Variants in C8orf34 observed in about 807,000 individuals in gnomAD.
C8orf34 encodes the protein chromosome 8 open reading frame 34.
C8orf34 carries 65 observed loss-of-function variants against 68.3 expected under a neutral mutation model. The observed-to-expected ratio is 0.95, with a 90% CI of 0.78 to 1.17. The LOEUF (loss-of-function observed/expected upper bound fraction) is 1.17, where lower values mean the gene tolerates loss of function less well. Ranked by LOEUF, C8orf34 falls within the 50% of genes most tolerant of loss-of-function variation. C8orf34 has a pLI of 0.00. For missense variants in C8orf34, 664 were observed against 655.4 expected (o/e 1.01, Z -0.14); for synonymous variants, 244 against 241.2 (o/e 1.01, Z -0.11).
At chr8:68,406,272 G>T (rs1055771973) in intron 1 of C8orf34, among the ~76,000 whole-genome samples, 1 of 152,200 alleles carries the variant, frequency 6.6e-6, no homozygotes, top group Admixed American at 6.5e-5. Flanking sequence ...GGAAGGGTTT[G>T]GAATTATCAA....
chr8:68,615,535 C>CT (rs1190959550), intron 7 of C8orf34, among the ~76,000 whole-genome samples: 2 of 152,170 alleles, frequency 1.3e-5, no homozygotes, highest in Non-Finnish European at 2.9e-5. Context: ...TTTTCTGCAT[C>CT]TATTGAGATA....
At chr8:68,514,134 T>C (rs1304154216) in intron 5 of C8orf34, among the ~76,000 whole-genome samples, 1 of 152,008 alleles carries the variant, frequency 6.6e-6, no homozygotes, top group East Asian at 1.9e-4. Flanking sequence ...ATGGTTTTAT[T>C]GGGTGAAAAA....
rs534226680 is a variant in C8orf34 at position 68,400,709 on chromosome 8, C to T, written c.328-38790C>T. Among the ~76,000 whole-genome samples, 7 of 152,218 alleles carry T rather than the reference C, an allele frequency of 4.6e-5. No individual in the cohort carries two copies. In the South Asian group the frequency reaches 1.5e-3, roughly 32 times the overall value. On this transcript the variant is annotated intron_variant, in intron 1 of 13. Transcript: ENST00000518698. Reference sequence around the variant, plus strand: ...CTGAGTAGCTAGGACTACAAGTGTGCACCACCATGCCCAGCTTATGTGTCT... The same window carrying T: ...CTGAGTAGCTAGGACTACAAGTGTGTACCACCATGCCCAGCTTATGTGTCT...
chr8:68,584,966 T>C (rs1255528748), intron 7 of C8orf34, among the ~76,000 whole-genome samples: 1 of 152,166 alleles, frequency 6.6e-6, no homozygotes, highest in Non-Finnish European at 1.5e-5. Flanking sequence ...GATATGACTA[T>C]GTGAAGTACT....
At chr8:68,505,656 G>A (rs1351577533) in intron 5 of C8orf34, among the ~76,000 whole-genome samples, 4 of 134,054 alleles carry the variant, frequency 3.0e-5, no homozygotes, top group East Asian at 2.1e-4. Flanking sequence ...GCGTGAACCC[G>A]GGAAGCGGAG....
intron 8 of C8orf34, among the ~76,000 whole-genome samples, chr8:68,692,060 C>T (rs1203973567): frequency 6.6e-6 from 1 of 151,910 alleles, no homozygotes; most frequent in Non-Finnish European, 1.5e-5. Flanking sequence ...AGGCAAGAAA[C>T]ACTCATGTTT....
chr8:68,552,248 T>G (rs1305818017), intron 7 of C8orf34, among the ~76,000 whole-genome samples: 1 of 152,172 alleles, frequency 6.6e-6, no homozygotes, highest in East Asian at 1.9e-4. Flanking sequence ...AAACATCACC[T>G]CGAATTTTAA....
At chr8:68,606,453 G>C (rs554618265) in intron 7 of C8orf34, among the ~76,000 whole-genome samples, 2 of 152,232 alleles carry the variant, frequency 1.3e-5, no homozygotes, top group East Asian at 1.9e-4. Context: ...ATAACTTACA[G>C]AGAGAGGTAA....
intron 8 of C8orf34, among the ~76,000 whole-genome samples, chr8:68,662,350 C>T (rs559134321): frequency 2.6e-5 from 4 of 152,228 alleles, no homozygotes; most frequent in South Asian, 4.1e-4. Flanking sequence ...AAAGGGGGTA[C>T]AAGACATTGA....
chr8:68,509,693 C>A (rs990167799), intron 5 of C8orf34, among the ~76,000 whole-genome samples: 2 of 152,142 alleles, frequency 1.3e-5, no homozygotes, highest in African/African-American at 4.8e-5. Context: ...AATGGCTAAC[C>A]CATCTAGAAA....
At chr8:68,733,101 T>A (rs1362572433) in intron 10 of C8orf34, among the ~76,000 whole-genome samples, 3 of 152,068 alleles carry the variant, frequency 2.0e-5, no homozygotes, top group Admixed American at 6.6e-5. Context: ...TGTCATTTGT[T>A]TTTGATAATT....
chr8:68,522,951 G>A (rs1220242426), intron 6 of C8orf34, among the ~76,000 whole-genome samples: 1 of 152,116 alleles, frequency 6.6e-6, no homozygotes, highest in East Asian at 1.9e-4. Context: ...TTCTCAAGGA[G>A]AAAATTGTAT....
At position 68,541,787 on chromosome 8, in the gene C8orf34, C is replaced by T. The variant is rs374521086; in HGVS notation, c.1105+8638C>T. Among the ~76,000 whole-genome samples the T allele has an allele frequency of 3.8e-3, 583 of 152,104 alleles. 2 individuals are homozygous for T. Among genetic ancestry groups the T allele is most frequent in the Non-Finnish European group, 5.8e-3 (394 of 67,964 alleles). On this transcript the variant is annotated intron_variant, in intron 7 of 13. Transcript: ENST00000518698. ...ATCATGGCATAGAACTTGAATTTTC[C>T]CTAATGTGTTAGAATGAATCTTGGC...
chr8:68,400,757 G>C (rs1235618877), intron 1 of C8orf34, among the ~76,000 whole-genome samples: 1 of 152,078 alleles, frequency 6.6e-6, no homozygotes, highest in Non-Finnish European at 1.5e-5. Context: ...GTACCATGCT[G>C]TTTTGGTTAC....
intron 7 of C8orf34, among the ~76,000 whole-genome samples, chr8:68,596,393 A>G (rs1266769155): frequency 6.6e-6 from 1 of 152,190 alleles, no homozygotes; most frequent in Non-Finnish European, 1.5e-5. Flanking sequence ...TTTAGAAATT[A>G]ATATATTATT....
At chr8:68,577,475 G>A (rs1816939238) in intron 7 of C8orf34, among the ~76,000 whole-genome samples, 2 of 151,694 alleles carry the variant, frequency 1.3e-5, no homozygotes, top group Non-Finnish European at 2.9e-5. Flanking sequence ...TTTGCACTTG[G>A]AAATTGCCAG....
chr8:68,731,085 G>A (rs925835647), intron 10 of C8orf34, among the ~76,000 whole-genome samples: 1 of 152,128 alleles, frequency 6.6e-6, no homozygotes, highest in African/African-American at 2.4e-5. Flanking sequence ...TGCAGGATGT[G>A]TGCTGGGAAA....
chr8:68,665,180 A>G (rs1209894879), intron 8 of C8orf34, among the ~76,000 whole-genome samples: 2 of 152,240 alleles, frequency 1.3e-5, no homozygotes, highest in Non-Finnish European at 2.9e-5. Context: ...GAGTGAGTCA[A>G]TATAAAAATA....
At chr8:68,554,535 T>A (rs1312110100) in intron 7 of C8orf34, among the ~76,000 whole-genome samples, 1 of 152,162 alleles carries the variant, frequency 6.6e-6, no homozygotes, top group Non-Finnish European at 1.5e-5. Flanking sequence ...CAGCTGCTAT[T>A]CATGGTCCTT....
Sources: gnomAD v4.1 joint callset for allele counts (sites outside exome capture counted in the v4.1 genomes callset) on GRCh38, gnomAD v4.1.1 for gene constraint, MANE v1.5 for transcripts, NCBI Gene and HGNC (gene_info 2026-07-23, HGNC 2026-07-21) for gene names.